Variants in CBFA2T3 observed in about 807,000 individuals in gnomAD.
CBFA2T3 encodes transcriptional corepressor CBFA2T3.
Under a neutral mutation model 58.6 loss-of-function variants are expected in CBFA2T3, and 31 were observed. The observed-to-expected ratio is 0.53, with a 90% CI of 0.40 to 0.71. CBFA2T3 has a LOEUF of 0.71. Ranked by LOEUF, CBFA2T3 falls within the 30% of genes least tolerant of loss-of-function variation. The pLI is 0.00. For synonymous variants in CBFA2T3, 531 were observed against 421.9 expected, an observed-to-expected ratio of 1.26 and a Z score of -3.17; for missense variants, 1,076 against 963.1, an observed-to-expected ratio of 1.12 and a Z score of -1.55.
chr16:88,927,020 C>T (rs1252807381), intron 1 of CBFA2T3, among the ~76,000 whole-genome samples: 1 of 152,230 alleles, frequency 6.6e-6, no homozygotes. Flanking sequence ...CCTCCTCCCG[C>T]AGCTAAGTTC....
intron 1 of CBFA2T3, among the ~76,000 whole-genome samples, chr16:88,909,591 G>A (rs1220201010): frequency 6.6e-6 from 1 of 152,220 alleles, no homozygotes; most frequent in Non-Finnish European, 1.5e-5. Context: ...CGGCTGGGAC[G>A]GAGGACGCCA....
Position 88,953,514 on chromosome 16 carries a change from T to G in CBFA2T3, c.151+23143A>C, listed in dbSNP as rs1972133766. On this transcript the variant is annotated intron_variant, in intron 1 of 11. Transcript: ENST00000268679. The surrounding 1 kb of genome is among the most constrained non-coding windows in gnomAD (Gnocchi z 4.9). ...CAGCTGCCGCCCACTCTTGGGACCC[T>G]GAGTGTGGGGAGGCTGGGGTTGAGC... is the stretch of plus-strand genomic sequence containing the variant. Among the ~76,000 whole-genome samples, 1 of 137,444 alleles carries G rather than the reference T, an allele frequency of 7.3e-6. No individual in the cohort carries two copies. Among genetic ancestry groups the G allele is most frequent in the Admixed American group, 6.8e-5 (1 of 14,702 alleles). The allele number at this position is 137,444 out of a possible 152,430, so 90.2% of individuals were successfully genotyped here. A position where few individuals can be genotyped will look rare whatever the true frequency, so the allele number is the denominator to read the frequency against.
chr16:88,932,278 A>G (rs1971338225), intron 1 of CBFA2T3, among the ~76,000 whole-genome samples: 1 of 140,174 alleles, frequency 7.1e-6, no homozygotes, highest in African/African-American at 2.7e-5. Context: ...CCATCCCGGA[A>G]AACAGGCAGA....
rs757073292 is a variant in CBFA2T3 at position 88,879,308 on chromosome 16, C to T, written c.1624G>A (p.Ala542Thr). 18 of 1,608,164 alleles carry T rather than the reference C, an allele frequency of 1.1e-5. No homozygotes were observed. The highest frequency in any genetic ancestry group is 1.7e-5 in the Admixed American group (1 of 59,906). ...TCCTGCTGGTTGATGACCGTCAGGG[C>T]GTCCTCGGAGGCCTGCCGCTTCGCC... is the stretch of plus-strand genomic sequence containing the variant. ...AEAKRQASEDALTVINQQEDS... is the reference protein window; with the variant it reads ...AEAKRQASEDTLTVINQQEDS... Residue 542 changes from alanine (A) to threonine (T), a missense_variant, in exon 11 of 12, where the codon GCC (alanine) becomes ACC (threonine). Transcript: ENST00000268679.
intron 5 of CBFA2T3, among the ~76,000 whole-genome samples, chr16:88,891,233 T>C (rs1404342253): frequency 1.3e-5 from 2 of 152,116 alleles, no homozygotes; most frequent in East Asian, 3.9e-4. Flanking sequence ...CTGACCCCTC[T>C]GCTGTTCCTC....
chr16:88,913,126 TGGCTGGG>T (rs1401834997), intron 1 of CBFA2T3, among the ~76,000 whole-genome samples: 1 of 152,238 alleles, frequency 6.6e-6, no homozygotes, highest in Non-Finnish European at 1.5e-5. Flanking sequence ...GGACTTGCTT[TGGCTGGG>T]GGCAGGATGT....
chr16:88,976,897 AGAG>A lies in CBFA2T3; in HGVS notation c.-93_-91del, dbSNP rs1407875510. On this transcript the variant is annotated 5_prime_UTR_variant, in exon 1 of 12. Coordinates refer to ENST00000268679, the MANE Select transcript of CBFA2T3 (RefSeq NM_005187.6). ...CCGACCTCCTGCAGCCTTGAGGGAAAGAGGAGGGGCTGGGCCAGCTGGGGCGTC... is the reference window on the plus strand; with the variant it reads ...CCGACCTCCTGCAGCCTTGAGGGAAAGAGGGGCTGGGCCAGCTGGGGCGTC... The A allele has an allele frequency of 2.1e-5, 31 of 1,454,244 alleles. No individual in the cohort carries two copies. The highest frequency in any genetic ancestry group is 2.5e-5 in the Non-Finnish European group (27 of 1,085,126). 90.1% of individuals were successfully genotyped at this position (1,454,244 alleles called of 1,614,324 possible).
intron 1 of CBFA2T3, among the ~76,000 whole-genome samples, chr16:88,909,534 G>A (rs1489162762): frequency 6.6e-6 from 1 of 151,752 alleles, no homozygotes; most frequent in African/African-American, 2.4e-5. Context: ...TGACCATGAC[G>A]GCAGCTGGGA....
At chr16:88,919,278 A>T (rs112578275) in intron 1 of CBFA2T3, among the ~76,000 whole-genome samples, 7,465 of 152,038 alleles carry the variant, frequency 0.049, 416 homozygotes, top group African/African-American at 0.14. Context: ...ACACAGCAGT[A>T]GGTATAAAAA....
chr16:88,977,056 G>A lies in CBFA2T3; in HGVS notation c.-249C>T, dbSNP rs952983277. 3 of 442,152 alleles carry A rather than the reference G, an allele frequency of 6.8e-6. No homozygotes were observed. The highest frequency in any genetic ancestry group is 1.2e-5 in the Non-Finnish European group (3 of 243,842). The allele number at this position is 442,152 out of a possible 1,614,324, so 27.4% of individuals were successfully genotyped here. ...GGGCGGGCCTGGGGCTGCAGGCTGG[G>A]GAAGGTCTCCCTGCAGCCTGCGGGT... On this transcript the variant is annotated 5_prime_UTR_variant, in exon 1 of 12. Coordinates refer to ENST00000268679, the MANE Select transcript of CBFA2T3 (RefSeq NM_005187.6).
intron 1 of CBFA2T3, chr16:88,939,817 G>C (rs1971645010): frequency 6.6e-6 from 1 of 152,254 alleles, no homozygotes; most frequent in Non-Finnish European, 1.5e-5. Context: ...GTGAGGGTCG[G>C]ACGCGCTCAG....
intron 3 of CBFA2T3, among the ~76,000 whole-genome samples, chr16:88,893,305 C>G (rs533570037): frequency 1.3e-4 from 19 of 149,546 alleles, no homozygotes; most frequent in Non-Finnish European, 2.2e-4. Context: ...ATGTGCCCCC[C>G]CCGACACACA....
chr16:88,903,172 T>C (rs1315235956), intron 1 of CBFA2T3, among the ~76,000 whole-genome samples: 7 of 152,328 alleles, frequency 4.6e-5, no homozygotes, highest in Admixed American at 1.3e-4. Flanking sequence ...GCGGACTCTG[T>C]GGAAGGTGAC....
intron 5 of CBFA2T3, among the ~76,000 whole-genome samples, chr16:88,889,325 G>C (rs1194899224): frequency 7.9e-6 from 1 of 126,604 alleles, no homozygotes; most frequent in Non-Finnish European, 1.7e-5. Flanking sequence ...GAGGGCAGGA[G>C]GAAAGGAGGG....
chr16:88,954,426 C>A (rs1972161553), intron 1 of CBFA2T3, among the ~76,000 whole-genome samples: 1 of 141,184 alleles, frequency 7.1e-6, no homozygotes, highest in Non-Finnish European at 1.5e-5. Context: ...CCACCCAAGG[C>A]TCCTGACCCC....
At chr16:88,973,409 C>A (rs774635406) in intron 1 of CBFA2T3, among the ~76,000 whole-genome samples, 1 of 152,190 alleles carries the variant, frequency 6.6e-6, no homozygotes, top group African/African-American at 2.4e-5. Flanking sequence ...GGCCATCTGA[C>A]GCCTTAGTTT....
At chr16:88,941,208 A>C (rs1382139419) in intron 1 of CBFA2T3, 5 of 975,936 alleles carry the variant, frequency 5.1e-6, no homozygotes. Flanking sequence ...CGCCTGGGCC[A>C]TGCCGGGGAC....
intron 1 of CBFA2T3, chr16:88,941,237 C>T (rs1971717058): frequency 1.5e-5 from 14 of 939,134 alleles, no homozygotes; most frequent in Non-Finnish European, 1.8e-5. Flanking sequence ...GGCCACCCCG[C>T]GCGGGAACAA....
Position 88,875,383 on chromosome 16 carries a change from C to CT in CBFA2T3, c.*1592_*1593insA, listed in dbSNP as rs1303919436. ...GGGAGGGAGCACGTCTGATAGAAAA[C>CT]GTCACCGAGACACACCCCAGGGCCA... On this transcript the variant is annotated 3_prime_UTR_variant, in exon 12 of 12. Coordinates refer to ENST00000268679, the MANE Select transcript of CBFA2T3 (RefSeq NM_005187.6). 8.6e-6 allele frequency: 2 copies of CT among 233,334 alleles called. No homozygotes were observed. Among genetic ancestry groups the CT allele is most frequent in the African/African-American group, 2.2e-5 (1 of 45,212 alleles). The allele number at this position is 233,334 out of a possible 1,614,324, so 14.5% of individuals were successfully genotyped here. A position where few individuals can be genotyped will look rare whatever the true frequency, so the allele number is the denominator to read the frequency against.
Sources: allele counts gnomAD v4.1 joint callset (sites outside exome capture counted in the v4.1 genomes callset), GRCh38; gene constraint gnomAD v4.1.1; non-coding constraint Gnocchi (gnomAD v3.1); transcripts MANE v1.5; gene names NCBI Gene and HGNC (gene_info 2026-07-23, HGNC 2026-07-21).